CNTNAP5: variants seen among roughly 807,000 people sequenced by gnomAD.
CNTNAP5 encodes the protein contactin-associated protein-like 5.
In CNTNAP5, 72 loss-of-function variants were observed where a neutral mutation model predicts 150.2. The observed-to-expected ratio is 0.48, with a 90% CI of 0.40 to 0.58. CNTNAP5 has a LOEUF of 0.58. CNTNAP5 is among the 20% of genes least tolerant of loss of function. The pLI is 0.00. For missense variants in CNTNAP5, 1,636 were observed against 1,626.2 expected (o/e 1.01, Z -0.10); for synonymous variants, 672 against 619.8 (o/e 1.08, Z -1.25).
chr2:124,325,526 G>A (rs775230501), intron 3 of CNTNAP5, among the ~76,000 whole-genome samples: 5 of 151,930 alleles, frequency 3.3e-5, no homozygotes, highest in Non-Finnish European at 7.4e-5. Context: ...TCCATGAAGT[G>A]ATTTGTTTTT....
intron 13 of CNTNAP5, among the ~76,000 whole-genome samples, chr2:124,693,902 C>T (rs1679351892): frequency 6.6e-6 from 1 of 151,544 alleles, no homozygotes; most frequent in Admixed American, 6.6e-5. Flanking sequence ...TGGCTCTAAC[C>T]AGCACAAGCT....
At chr2:124,790,192 C>A (rs549828539) in intron 18 of CNTNAP5, 51 bp downstream of exon 18, 3 of 1,527,690 alleles carry the variant, frequency 2.0e-6, no homozygotes, top group East Asian at 2.4e-5. Context: ...ATCACCTATA[C>A]GCTATGGTCA....
intron 1 of CNTNAP5, among the ~76,000 whole-genome samples, chr2:124,032,856 A>T (rs1030355857): frequency 2.6e-5 from 4 of 152,222 alleles, no homozygotes; most frequent in African/African-American, 7.2e-5. Flanking sequence ...TGTATAGCAC[A>T]TGCTGTCTCT....
intron 13 of CNTNAP5, among the ~76,000 whole-genome samples, chr2:124,746,258 A>T (rs534783837): frequency 3.8e-4 from 58 of 152,168 alleles, no homozygotes; most frequent in Non-Finnish European, 7.6e-4. Flanking sequence ...CTTGTTTTGG[A>T]TGCAGTATCA....
At chr2:124,822,550 T>TA (rs1280756411) in intron 19 of CNTNAP5, among the ~76,000 whole-genome samples, 1 of 152,174 alleles carries the variant, frequency 6.6e-6, no homozygotes, top group Non-Finnish European at 1.5e-5. Context: ...ATTGCCATTT[T>TA]AAAAAAGCAT....
At chr2:124,735,365 G>C (rs556251399) in intron 13 of CNTNAP5, among the ~76,000 whole-genome samples, 26 of 151,872 alleles carry the variant, frequency 1.7e-4, no homozygotes, top group African/African-American at 5.8e-4. Context: ...AAAATATAGA[G>C]GTTTAGGCCA....
At chr2:124,467,226 C>A (rs538241588) in intron 6 of CNTNAP5, among the ~76,000 whole-genome samples, 18 of 152,276 alleles carry the variant, frequency 1.2e-4, no homozygotes, top group African/African-American at 4.1e-4. Context: ...GCAGTTCCAA[C>A]ATGCAGAGGC....
chr2:124,732,308 G>T (rs1242815239), intron 13 of CNTNAP5, among the ~76,000 whole-genome samples: 1 of 151,830 alleles, frequency 6.6e-6, no homozygotes, highest in Non-Finnish European at 1.5e-5. Context: ...AATTTTAATG[G>T]ATCAATAAAA....
intron 1 of CNTNAP5, among the ~76,000 whole-genome samples, chr2:124,146,567 T>G (rs1684258907): frequency 6.6e-6 from 1 of 152,106 alleles, no homozygotes; most frequent in African/African-American, 2.4e-5. Flanking sequence ...TCAGAATACT[T>G]AAATAATTTA....
chr2:124,287,057 C>A (rs577988388), intron 3 of CNTNAP5, among the ~76,000 whole-genome samples: 2 of 152,296 alleles, frequency 1.3e-5, no homozygotes, highest in African/African-American at 4.8e-5. Context: ...ACATGCAATA[C>A]TTACCAGAAC....
intron 3 of CNTNAP5, among the ~76,000 whole-genome samples, chr2:124,296,559 T>C (rs1395317177): frequency 6.6e-6 from 1 of 152,162 alleles, no homozygotes; most frequent in Non-Finnish European, 1.5e-5. Context: ...CCTCCACTCA[T>C]TGGTGGTCAT....
At chr2:124,612,542 T>G (rs900293936) in intron 12 of CNTNAP5, among the ~76,000 whole-genome samples, 4 of 152,196 alleles carry the variant, frequency 2.6e-5, no homozygotes, top group Non-Finnish European at 4.4e-5. Context: ...TTATGTTTGA[T>G]CATTTGTCCA....
intron 3 of CNTNAP5, among the ~76,000 whole-genome samples, chr2:124,333,016 G>A (rs575783492): frequency 2.6e-5 from 4 of 152,062 alleles, no homozygotes; most frequent in South Asian, 4.2e-4. Context: ...ATATACACAC[G>A]CATACATAAA....
intron 8 of CNTNAP5, among the ~76,000 whole-genome samples, chr2:124,510,307 A>ATATATATCTATATATCTATATATT (rs1553474664): frequency 8.8e-6 from 1 of 113,578 alleles, no homozygotes; most frequent in Admixed American, 1.1e-4. Context: ...ATATCTATAT[A>ATATATATCTATATATCTATATATT]TATATCTATA....
At chr2:124,297,179 AAG>A (rs1185642639) in intron 3 of CNTNAP5, among the ~76,000 whole-genome samples, 1 of 152,242 alleles carries the variant, frequency 6.6e-6, no homozygotes, top group African/African-American at 2.4e-5. Context: ...AAATATTAAA[AAG>A]TCCTTTTGGT....
At chr2:124,851,529 TA>T (rs1683156179) in intron 19 of CNTNAP5, among the ~76,000 whole-genome samples, 1 of 152,084 alleles carries the variant, frequency 6.6e-6, no homozygotes, top group African/African-American at 2.4e-5. Flanking sequence ...TGGCATCAGA[TA>T]AAAAATGAGG....
At chr2:124,643,526 TA>T (rs1678138616) in intron 12 of CNTNAP5, among the ~76,000 whole-genome samples, 1 of 152,190 alleles carries the variant, frequency 6.6e-6, no homozygotes, top group African/African-American at 2.4e-5. Flanking sequence ...TAATTTAGTA[TA>T]TACAGGAGCA....
At chr2:124,215,341 A>G (rs757503528) in intron 1 of CNTNAP5, among the ~76,000 whole-genome samples, 14 of 152,198 alleles carry the variant, frequency 9.2e-5, no homozygotes, top group Non-Finnish European at 1.8e-4. Context: ...ATAAAAATAT[A>G]TGTTGGCAAC....
chr2:124,146,363 A>G (rs1684255521), intron 1 of CNTNAP5, among the ~76,000 whole-genome samples: 1 of 152,142 alleles, frequency 6.6e-6, no homozygotes, highest in Non-Finnish European at 1.5e-5. Context: ...ATATGAGAAA[A>G]TTTTCAAATC....
Sources: allele counts gnomAD v4.1 joint callset (sites outside exome capture counted in the v4.1 genomes callset), GRCh38; gene constraint gnomAD v4.1.1; transcripts MANE v1.5; gene names NCBI Gene and HGNC (gene_info 2026-07-23, HGNC 2026-07-21).